MPPED2: variants seen among roughly 807,000 people sequenced by gnomAD.
MPPED2 encodes metallophosphoesterase domain containing 2.
In MPPED2, 5 loss-of-function variants were observed where a neutral mutation model predicts 33.0. That is an observed-to-expected ratio of 0.15 (90% confidence interval 0.08 to 0.32). The LOEUF (loss-of-function observed/expected upper bound fraction) is 0.32, where lower values mean the gene tolerates loss of function less well. Ranked by LOEUF, MPPED2 falls within the 10% of genes least tolerant of loss-of-function variation. The pLI, the probability that MPPED2 is intolerant of heterozygous loss-of-function variation, is 1.00. For missense variants in MPPED2, 275 were observed against 372.1 expected, an observed-to-expected ratio of 0.74 and a Z score of 2.15; for synonymous variants, 136 against 141.9, an observed-to-expected ratio of 0.96 and a Z score of 0.29.
At chr11:30,546,952 A>T (rs1221122192) in intron 2 of MPPED2, among the ~76,000 whole-genome samples, 3 of 152,206 alleles carry the variant, frequency 2.0e-5, no homozygotes, top group Admixed American at 6.5e-5. Flanking sequence ...TTTTAGCCAC[A>T]AAACTCACAT....
intron 1 of MPPED2, among the ~76,000 whole-genome samples, chr11:30,582,242 C>T (rs1463777588): frequency 6.6e-6 from 1 of 151,878 alleles, no homozygotes; most frequent in Non-Finnish European, 1.5e-5. Context: ...ATAATTGCGT[C>T]GCGCTGAAAA....
At chr11:30,442,510 A>G (rs537029197) in intron 4 of MPPED2, among the ~76,000 whole-genome samples, 141 of 152,352 alleles carry the variant, frequency 9.3e-4, no homozygotes, top group African/African-American at 3.2e-3. Context: ...TTTAAAATAA[A>G]GTGATGTGTT....
chr11:30,401,846 A>AG (rs1565034196), intron 6 of MPPED2, among the ~76,000 whole-genome samples: 2 of 141,048 alleles, frequency 1.4e-5, no homozygotes. Context: ...TACCATGGCC[A>AG]GCTAATTTTT....
At chr11:30,419,059 GC>G (rs1165673271) in intron 4 of MPPED2, among the ~76,000 whole-genome samples, 2 of 152,198 alleles carry the variant, frequency 1.3e-5, no homozygotes, top group African/African-American at 2.4e-5. Context: ...AAGTCCTTAA[GC>G]CATGCCCGGG....
chr11:30,573,334 T>A (rs1045461581), intron 2 of MPPED2, among the ~76,000 whole-genome samples: 1 of 152,208 alleles, frequency 6.6e-6, no homozygotes, highest in Non-Finnish European at 1.5e-5. Context: ...TTATGGATAG[T>A]ACATCATATT....
At chr11:30,544,416 C>T (rs1249845822) in intron 2 of MPPED2, among the ~76,000 whole-genome samples, 6 of 152,186 alleles carry the variant, frequency 3.9e-5, no homozygotes, top group African/African-American at 1.2e-4. Context: ...AGCAGTAGGT[C>T]AATAACCATG....
At chr11:30,526,910 T>G (rs1364672313) in intron 3 of MPPED2, among the ~76,000 whole-genome samples, 1 of 151,826 alleles carries the variant, frequency 6.6e-6, no homozygotes, top group Non-Finnish European at 1.5e-5. Flanking sequence ...TTTTTTTAAT[T>G]TTTTATTTTT....
chr11:30,442,839 A>G (rs1368221981), intron 4 of MPPED2, among the ~76,000 whole-genome samples: 1 of 152,162 alleles, frequency 6.6e-6, no homozygotes, highest in Admixed American at 6.5e-5. Flanking sequence ...AACAGATCCC[A>G]ATTCTACAAA....
At chr11:30,538,524 G>A (rs895362387) in intron 2 of MPPED2, among the ~76,000 whole-genome samples, 2 of 152,214 alleles carry the variant, frequency 1.3e-5, no homozygotes, top group East Asian at 1.9e-4. Flanking sequence ...GGGAACACTA[G>A]GCAATTTCTG....
At chr11:30,389,040 G>A in intron 6 of MPPED2, 5 of 1,457,060 alleles carry the variant, frequency 3.4e-6, no homozygotes, top group Non-Finnish European at 4.5e-6. Context: ...CTCTGATGGT[G>A]TCTTGATTAC....
At chr11:30,521,075 G>A (rs971045683) in intron 3 of MPPED2, among the ~76,000 whole-genome samples, 8 of 152,160 alleles carry the variant, frequency 5.3e-5, no homozygotes, top group African/African-American at 1.9e-4. Context: ...GCTAGTAATA[G>A]TAATAATAGT....
chr11:30,554,953 A>G (rs1257634209), intron 2 of MPPED2, among the ~76,000 whole-genome samples: 1 of 152,146 alleles, frequency 6.6e-6, no homozygotes, highest in Non-Finnish European at 1.5e-5. Flanking sequence ...CCAAATGCAG[A>G]TAGTCTCCCA....
chr11:30,555,363 G>A (rs1955915469), intron 2 of MPPED2, among the ~76,000 whole-genome samples: 1 of 152,174 alleles, frequency 6.6e-6, no homozygotes, highest in Admixed American at 6.5e-5. Flanking sequence ...CAAAGTGTGA[G>A]TCAGTGGCAA....
At position 30,549,062 on chromosome 11, in the gene MPPED2, A is replaced by C. The variant is rs182100764; in HGVS notation, c.129-12887T>G. 1.3e-3 allele frequency among the ~76,000 whole-genome samples: 193 copies of C among 152,340 alleles called. 1 individual carries two copies. The highest frequency in any genetic ancestry group is 4.0e-3 in the African/African-American group (167 of 41,574). ...TTCTAAACTTTATAAGCAACAAAAA[A>C]ATATGAGTTCAAAGTACAAACCACA... On this transcript the variant is annotated intron_variant, in intron 2 of 6. Transcript: ENST00000358117.
At chr11:30,475,806 G>T (rs932569912) in intron 4 of MPPED2, among the ~76,000 whole-genome samples, 18 of 152,010 alleles carry the variant, frequency 1.2e-4, no homozygotes, top group African/African-American at 4.3e-4. Context: ...GTAGATGTGG[G>T]TTGACTTTTT....
intron 4 of MPPED2, among the ~76,000 whole-genome samples, chr11:30,454,009 T>C (rs936105411): frequency 6.6e-6 from 1 of 152,182 alleles, no homozygotes; most frequent in African/African-American, 2.4e-5. Flanking sequence ...TCATCTCTGA[T>C]CTTGTCATCT....
At chr11:30,457,670 A>C (rs946021531) in intron 4 of MPPED2, among the ~76,000 whole-genome samples, 11 of 152,194 alleles carry the variant, frequency 7.2e-5, no homozygotes, top group Non-Finnish European at 1.2e-4. Flanking sequence ...TAACCTGCCT[A>C]GGGTTCCACA....
chr11:30,478,930 C>A (rs1472782172), intron 4 of MPPED2, among the ~76,000 whole-genome samples: 1 of 152,052 alleles, frequency 6.6e-6, no homozygotes, highest in Non-Finnish European at 1.5e-5. Context: ...GAAAAAAGTT[C>A]TTGATGCTTT....
chr11:30,499,213 C>G (rs2134232670), intron 3 of MPPED2, among the ~76,000 whole-genome samples: 1 of 152,254 alleles, frequency 6.6e-6, no homozygotes, highest in East Asian at 1.9e-4. Context: ...TCACTTCTGC[C>G]TTTTCACTTT....
Sources: allele counts gnomAD v4.1 joint callset (sites outside exome capture counted in the v4.1 genomes callset), GRCh38; gene constraint gnomAD v4.1.1; transcripts MANE v1.5; gene names NCBI Gene and HGNC (gene_info 2026-07-23, HGNC 2026-07-21).